The following ORC5 variants were observed in gnomAD, a reference collection of about 807,000 sequenced individuals.
The protein encoded by ORC5 is origin recognition complex subunit 5.
In ORC5, 39 loss-of-function variants were observed where a neutral mutation model predicts 58.8. That is an observed-to-expected ratio of 0.66 (90% CI 0.51 to 0.87). The LOEUF is 0.87. ORC5 is among the 40% of genes least tolerant of loss of function. The pLI is 0.00. For missense variants in ORC5, 493 were observed against 506.3 expected (o/e 0.97, Z 0.25); for synonymous variants, 218 against 177.6 (o/e 1.23, Z -1.81).
In ORC5 at chr7:104,189,000, T is replaced by A. The variant is rs572560914; in HGVS notation, c.554-619A>T. ...AGAAGCCTGTACAGCCCACAGACTG[T>A]GAGTCTATTAAACCTTTTCTTTATA... On this transcript the variant is annotated intron_variant, in intron 5 of 13. Transcript: ENST00000297431. 6.7e-4 allele frequency among the ~76,000 whole-genome samples: 102 copies of A among 152,188 alleles called. 1 individual carries two copies. Among genetic ancestry groups the A allele is most frequent in the Non-Finnish European group, 1.1e-3 (76 of 68,002 alleles).
chr7:104,177,564 G>GT (rs1282010893), intron 8 of ORC5, among the ~76,000 whole-genome samples: 3 of 152,070 alleles, frequency 2.0e-5, no homozygotes, highest in Middle Eastern at 3.4e-3. Context: ...GAGAATTATT[G>GT]TTTTTTTAAA....
rs760629886 is a variant in ORC5, at chr7:104,200,791, T to G, written c.333A>C (p.Thr111=). 4.3e-6 allele frequency: 7 copies of G among 1,610,010 alleles called. No individual in the cohort carries two copies. Among genetic ancestry groups the G allele is most frequent in the South Asian group, 1.1e-5 (1 of 90,886 alleles). ...CAGTCTGATCTTTAAGATTTTCAGC[T>G]GTGGTTACTTGTTTAAACAAGCGAA... The part of the protein sequence containing the change: ...DFVRLFKQVT[T]AENLKDQTVY... Residue 111 remains threonine (T), a synonymous_variant, in exon 3 of 14, where the codon ACA becomes ACC. Transcript: ENST00000297431.
intron 5 of ORC5, among the ~76,000 whole-genome samples, chr7:104,189,922 G>T (rs1799636331): frequency 6.6e-6 from 1 of 152,120 alleles, no homozygotes; most frequent in Non-Finnish European, 1.5e-5. Context: ...TTAGAATGGT[G>T]TCTGAAATGC....
chr7:104,151,261 T>C (rs1002645274), intron 12 of ORC5, among the ~76,000 whole-genome samples: 2 of 152,164 alleles, frequency 1.3e-5, no homozygotes, highest in African/African-American at 4.8e-5. Flanking sequence ...AGATTTATGC[T>C]GATGACCGTA....
At chr7:104,195,666 T>C (rs902210503) in intron 4 of ORC5, among the ~76,000 whole-genome samples, 5 of 152,216 alleles carry the variant, frequency 3.3e-5, no homozygotes, top group East Asian at 1.9e-4. Context: ...GCTGGAATTA[T>C]AGGCATTAGC....
In ORC5 at chr7:104,129,221, T is replaced by C. The variant is rs907815796; in HGVS notation, c.1263-2328A>G. 6.6e-5 allele frequency among the ~76,000 whole-genome samples: 10 copies of C among 152,174 alleles called. No individual in the cohort carries two copies. Among genetic ancestry groups the C allele is most frequent in the Admixed American group, 6.5e-4 (10 of 15,276 alleles). On this transcript the variant is annotated intron_variant, in intron 13 of 13. Transcript: ENST00000297431. This position sits in a 1 kb window ranked among gnomAD's most constrained non-coding sequence, Gnocchi z 4.9. ...AGAAATCTGTTTGTTACTATAGCAT[T>C]AGAATAGTTTGTACAATAAATAAAT...
At chr7:104,194,620 T>C (rs1202881603) in intron 5 of ORC5, among the ~76,000 whole-genome samples, 3 of 152,026 alleles carry the variant, frequency 2.0e-5, no homozygotes, top group African/African-American at 7.2e-5. Context: ...GAAAATGAGA[T>C]TTATAAAATC....
At chr7:104,165,571 T>C in intron 10 of ORC5, 2 of 231,662 alleles carry the variant, frequency 8.6e-6, no homozygotes, top group African/African-American at 2.3e-5. Context: ...TAGTTCAGCA[T>C]ATACATTGCT....
intron 13 of ORC5, among the ~76,000 whole-genome samples, chr7:104,135,147 CAT>C (rs1369378107): frequency 1.3e-5 from 2 of 152,242 alleles, no homozygotes; most frequent in African/African-American, 4.8e-5. Flanking sequence ...CTGTTTTGCA[CAT>C]GATTATACTG....
At chr7:104,126,917 G>A in intron 13 of ORC5, 24 bp from the exon 14 acceptor site, 2 of 1,540,132 alleles carry the variant, frequency 1.3e-6, no homozygotes, top group Non-Finnish European at 1.8e-6. Context: ...CAGATAATAT[G>A]TTAGCATTCT....
chr7:104,199,194 G>C (rs2116078377), intron 3 of ORC5, among the ~76,000 whole-genome samples: 1 of 152,226 alleles, frequency 6.6e-6, no homozygotes, highest in Non-Finnish European at 1.5e-5. Context: ...GCACTGCCTA[G>C]TGGAGCTATG....
At chr7:104,202,227 A>G (rs1799962991) in intron 2 of ORC5, 1 of 176,354 alleles carries the variant, frequency 5.7e-6, no homozygotes, top group Non-Finnish European at 1.2e-5. Flanking sequence ...TAAGATCACA[A>G]AAGCAGATTC....
intron 13 of ORC5, among the ~76,000 whole-genome samples, chr7:104,134,742 T>C (rs1027889877): frequency 6.6e-6 from 1 of 152,186 alleles, no homozygotes. Context: ...AATCAGGTTT[T>C]AGCTAAGGCA....
At chr7:104,157,605 A>AC (rs1798948011) in intron 12 of ORC5, among the ~76,000 whole-genome samples, 1 of 152,106 alleles carries the variant, frequency 6.6e-6, no homozygotes, top group African/African-American at 2.4e-5. Context: ...GACTGCGGAC[A>AC]TTGTTCATCA....
At chr7:104,176,420 A>G (rs1799322100) in intron 8 of ORC5, among the ~76,000 whole-genome samples, 1 of 152,166 alleles carries the variant, frequency 6.6e-6, no homozygotes, top group Non-Finnish European at 1.5e-5. Flanking sequence ...TTTTGCGGTA[A>G]AATACTTTGA....
chr7:104,141,385 C>T (rs762600494), intron 12 of ORC5, among the ~76,000 whole-genome samples: 6 of 152,064 alleles, frequency 3.9e-5, no homozygotes, highest in Non-Finnish European at 5.9e-5. Context: ...ATTCAGATTC[C>T]ACACTTAATC....
intron 12 of ORC5, among the ~76,000 whole-genome samples, chr7:104,147,750 A>G (rs879888482): frequency 2.6e-5 from 4 of 152,254 alleles, no homozygotes; most frequent in Admixed American, 2.0e-4. Flanking sequence ...CAAATTTTAA[A>G]TTAAACACTT....
At chr7:104,182,024 C>T (rs77226500) in intron 8 of ORC5, among the ~76,000 whole-genome samples, 6,754 of 152,140 alleles carry the variant, frequency 0.044, 484 homozygotes, top group African/African-American at 0.15. Flanking sequence ...TATTAGTTTG[C>T]AGTTTTATGC....
chr7:104,158,564 C>T (rs1333617069), intron 12 of ORC5, among the ~76,000 whole-genome samples: 2 of 151,836 alleles, frequency 1.3e-5, no homozygotes, highest in African/African-American at 2.4e-5. Flanking sequence ...AGAAAATTTT[C>T]ACAACCTACT....
Sources: allele counts gnomAD v4.1 joint callset (sites outside exome capture counted in the v4.1 genomes callset), GRCh38; gene constraint gnomAD v4.1.1; non-coding constraint Gnocchi (gnomAD v3.1); transcripts MANE v1.5; gene names NCBI Gene and HGNC (gene_info 2026-07-23, HGNC 2026-07-21).